Variants in ARHGAP27 observed in about 807,000 individuals in gnomAD.
ARHGAP27 encodes the protein Rho GTPase activating protein 27, also known as rho GTPase-activating protein 27.
ARHGAP27 carries 53 observed loss-of-function variants against 102.0 expected under a neutral mutation model. The observed-to-expected ratio is 0.52, with a 90% confidence interval of 0.42 to 0.65. The LOEUF (loss-of-function observed/expected upper bound fraction) is 0.65. Ranked by LOEUF, ARHGAP27 falls within the 30% of genes least tolerant of loss-of-function variation. The pLI, the probability that ARHGAP27 is intolerant of heterozygous loss-of-function variation, is 0.00. For synonymous variants in ARHGAP27, 525 were observed against 542.8 expected, an observed-to-expected ratio of 0.97 and a Z score of 0.46; for missense variants, 1,117 against 1,256.2, an observed-to-expected ratio of 0.89 and a Z score of 1.68.
chr17:45,410,054 A>T, intron 4 of ARHGAP27: 1 of 754,930 alleles, frequency 1.3e-6, no homozygotes, highest in Non-Finnish European at 2.1e-6. Context: ...CAGCCCTGCC[A>T]CTCTTGCCCC....
chr17:45,425,876 C>T (rs1197906747), intron 4 of ARHGAP27, among the ~76,000 whole-genome samples: 1 of 152,208 alleles, frequency 6.6e-6, no homozygotes, highest in African/African-American at 2.4e-5. Flanking sequence ...CCTGAGTGGC[C>T]TCTTTGTGGG....
At chr17:45,397,730 C>T in intron 13 of ARHGAP27, 1 of 419,740 alleles carries the variant, frequency 2.4e-6, no homozygotes, top group Admixed American at 3.9e-5. Flanking sequence ...GCCCTACCCT[C>T]ACCTGGAGAG....
chr17:45,406,767 C>T (rs965947672), intron 4 of ARHGAP27, among the ~76,000 whole-genome samples: 20 of 152,174 alleles, frequency 1.3e-4, no homozygotes, highest in African/African-American at 1.7e-4. Context: ...TGCATTCTTA[C>T]AGCTCCACTG....
chr17:45,424,561 G>A (rs1489705674), intron 4 of ARHGAP27, among the ~76,000 whole-genome samples: 3 of 152,062 alleles, frequency 2.0e-5, no homozygotes, highest in African/African-American at 4.8e-5. Context: ...TGTACTGGAC[G>A]CAGTCAGCTC....
intron 4 of ARHGAP27, among the ~76,000 whole-genome samples, chr17:45,411,341 C>G (rs1465950673): frequency 1.3e-5 from 2 of 152,090 alleles, no homozygotes; most frequent in Admixed American, 1.3e-4. Context: ...ACTAAGCCCA[C>G]CAGCCCACCC....
chr17:45,395,921 C>A, intron 18 of ARHGAP27, 62 bp downstream of exon 18: 1 of 1,565,018 alleles, frequency 6.4e-7, no homozygotes, highest in Non-Finnish European at 8.7e-7. Flanking sequence ...CGAGGGGAGC[C>A]TGCTAAAGGG....
intron 4 of ARHGAP27, among the ~76,000 whole-genome samples, chr17:45,406,359 C>A (rs769999007): frequency 1.3e-5 from 2 of 152,294 alleles, no homozygotes; most frequent in Admixed American, 6.5e-5. Flanking sequence ...CTTGGGCGAC[C>A]TTCAGGAAGT....
In ARHGAP27 at chr17:45,405,726, C is replaced by T. The variant is rs1255817229; in HGVS notation, c.1015G>A (p.Glu339Lys). ...CTCAGGCCCGGCTGCATCTCCAACT[C>T]CTCCTCGGGCTCGTTCTCGGCCTCG... ...EDEAENEPEE[E>K]LEMQPGLSPG... Residue 339 changes from glutamate (E) to lysine (K), a missense_variant, in exon 5 of 20, where the codon GAG (glutamate) becomes AAG (lysine). This residue lies in a region of ARHGAP27 where 610 missense variants were observed against 716.4 expected (regional missense o/e 0.85). Coordinates refer to ENST00000685559, the MANE Select transcript of ARHGAP27 (RefSeq NM_001282290.2). 3.7e-6 allele frequency: 6 copies of T among 1,603,344 alleles called. No individual in the cohort carries two copies. The highest frequency in any genetic ancestry group is 5.1e-6 in the Non-Finnish European group (6 of 1,179,586).
At position 45,393,978 on chromosome 17, in the gene ARHGAP27, G is replaced by A. The variant is rs1051552936; in HGVS notation, c.*1478C>T. 6.6e-6 allele frequency: 1 copy of A among 152,644 alleles called. No homozygotes were observed. The highest frequency in any genetic ancestry group is 1.9e-4 in the East Asian group (1 of 5,198). The allele number at this position is 152,644 out of a possible 1,614,324, so 9.5% of individuals were successfully genotyped here. ...ATAACTTTTAAATATTTAGACATAT[G>A]GTATGAGGCCCCTGTGTGTACTCTT... is the stretch of plus-strand genomic sequence containing the variant. On this transcript the variant is annotated 3_prime_UTR_variant, in exon 20 of 20. Transcript: ENST00000685559.
rs188239464 is a variant in ARHGAP27, at chr17:45,395,734, C to G, written c.2492+10G>C. ...TGCCTCCCCCTTCCCGCGCGGGCCG[C>G]CCGGCTCACCGGCAGAGGTGCTGGA... On this transcript the variant is annotated intron_variant, in intron 19 of 19. Transcript: ENST00000685559. The G allele has an allele frequency of 1.3e-5, 21 of 1,584,190 alleles. No homozygotes were observed. The highest frequency in any genetic ancestry group is 8.7e-5 in the Admixed American group (5 of 57,328).
At chr17:45,409,656 C>T (rs1396036832) in intron 4 of ARHGAP27, 2 of 153,692 alleles carry the variant, frequency 1.3e-5, no homozygotes, top group Non-Finnish European at 2.9e-5. Flanking sequence ...TCGGCAGACC[C>T]TGCACAGTGC....
Position 45,395,477 on chromosome 17 carries a change from C to G in ARHGAP27, c.2649G>C (p.Ala883=), listed in dbSNP as rs760325969. 2 of 1,568,008 alleles carry G rather than the reference C, an allele frequency of 1.3e-6. No individual in the cohort carries two copies. Among genetic ancestry groups the G allele is most frequent in the Non-Finnish European group, 1.7e-6 (2 of 1,155,814 alleles). The change falls in exon 20 of 20, where the codon GCG becomes GCC. Residue 883 remains alanine, a synonymous_variant. Transcript: ENST00000685559. The part of the protein sequence containing the change: ...QVVELILQQC[A]DIFPPH ...GCAGTCAGTGCGGCGGGAAGATGTCCGCGCACTGCTGCAGGATGAGCTCCA... is the reference window on the plus strand; with the variant it reads ...GCAGTCAGTGCGGCGGGAAGATGTCGGCGCACTGCTGCAGGATGAGCTCCA...
chr17:45,399,785 C>A (rs1010132040), intron 12 of ARHGAP27, among the ~76,000 whole-genome samples: 2 of 152,308 alleles, frequency 1.3e-5, no homozygotes, highest in South Asian at 4.1e-4. Flanking sequence ...TGATTTTTGG[C>A]AGCTCTCTCA....
intron 4 of ARHGAP27, among the ~76,000 whole-genome samples, chr17:45,411,426 T>C (rs62064641): frequency 0.14 from 20,756 of 152,006 alleles, 1,733 homozygotes; most frequent in Middle Eastern, 0.24. Context: ...CTTCCTCCTC[T>C]GGCCCCCACC....
intron 4 of ARHGAP27, chr17:45,429,362 C>T (rs1230539389): frequency 7.0e-6 from 9 of 1,281,208 alleles, no homozygotes; most frequent in Non-Finnish European, 9.1e-6. Context: ...TCAGTTCAAG[C>T]GCAATTTTGC....
In ARHGAP27 at chr17:45,396,080, G is replaced by T. The variant is rs139134704; in HGVS notation, c.2289C>A (p.Asp763Glu). 11 of 1,613,794 alleles carry T rather than the reference G, an allele frequency of 6.8e-6. No individual in the cohort carries two copies. The highest frequency in any genetic ancestry group is 9.3e-6 in the Non-Finnish European group (11 of 1,179,856). ...TCAGGGCTCCGGTGATAACGTGGAC[G>T]TCCTCCCAGCGCCCGTCATCCAGGT... ...RLDLDDGRWEDVHVITGALKL... is the reference protein window; with the variant it reads ...RLDLDDGRWEEVHVITGALKL... Residue 763 changes from aspartate (D) to glutamate (E), a missense_variant, in exon 18 of 20, where the codon GAC (aspartate) becomes GAA (glutamate). Asp to Glu is a conservative substitution (Grantham distance 45). This residue lies in a region of ARHGAP27 where 493 missense variants were observed against 505.5 expected (regional missense o/e 0.98). Transcript: ENST00000685559.
At position 45,398,053 on chromosome 17, in the gene ARHGAP27, G is replaced by C; in HGVS notation, c.1744-6C>G. 1.3e-6 allele frequency: 2 copies of C among 1,599,516 alleles called. No individual in the cohort carries two copies. The highest frequency in any genetic ancestry group is 1.7e-6 in the Non-Finnish European group (2 of 1,169,266). On this transcript the variant is annotated splice_polypyrimidine_tract_variant and splice_region_variant and intron_variant, in intron 12 of 19. Transcript: ENST00000685559. ...GAGCCATCTCGGCTCCGTAGCTGGA[G>C]GGACACAAGTCAGTGGGTCATCTCT...
At chr17:45,396,845 C>T (rs2045790573) in intron 14 of ARHGAP27, 55 bp from the exon 15 acceptor site, 2 of 1,606,554 alleles carry the variant, frequency 1.2e-6, no homozygotes, top group East Asian at 2.2e-5. Flanking sequence ...GCAGGCCAGG[C>T]AGGCCCCAGC....
chr17:45,403,680 A>C lies in ARHGAP27; in HGVS notation c.1577T>G (p.Val526Gly). The change falls in exon 11 of 20, where the codon GTG becomes GGG. Residue 526 changes from valine (V) to glycine (G), a missense_variant. Physicochemically the swap from Val to Gly is moderately radical, Grantham distance 109. Transcript: ENST00000685559. ...GAATGTCAGGACGCCACCCTCCAGC[A>C]CAGTCCAGGAGGCACTCCAGTGCTT... ...RKKHWSASWT[V>G]LEGGVLTFFK... 6.2e-7 allele frequency: 1 copy of C among 1,613,930 alleles called. No homozygotes were observed. The highest frequency in any genetic ancestry group is 8.5e-7 in the Non-Finnish European group (1 of 1,180,002).
Sources: gnomAD v4.1 joint callset for allele counts (sites outside exome capture counted in the v4.1 genomes callset) on GRCh38, gnomAD v4.1.1 for gene constraint, gnomAD v4.1.1 regional missense constraint, MANE v1.5 for transcripts, NCBI Gene and HGNC (gene_info 2026-07-23, HGNC 2026-07-21) for gene names.